The following NCOA3 variants were observed in gnomAD, a reference collection of about 807,000 sequenced individuals.
NCOA3 encodes the protein CBP-interacting protein.
NCOA3 carries 51 observed loss-of-function variants against 158.8 expected under a neutral mutation model. The observed-to-expected ratio is 0.32, with a 90% CI of 0.26 to 0.41. NCOA3 has a LOEUF of 0.41. Ranked by LOEUF, NCOA3 falls within the 10% of genes least tolerant of loss-of-function variation. The pLI is 1.00. For missense variants in NCOA3, 1,510 were observed against 1,746.6 expected (o/e 0.86, Z 2.41); for synonymous variants, 537 against 592.4 (o/e 0.91, Z 1.36).
In NCOA3 at chr20:47,653,615, C is replaced by T. The variant is rs2086832192; in HGVS notation, c.*198C>T. Reference sequence around the variant, plus strand: ...AGGGCAATATCTACGTGTTTTTCCCCCCTCCTTCTGCTGTGTATCATGGTG... The same window carrying T: ...AGGGCAATATCTACGTGTTTTTCCCTCCTCCTTCTGCTGTGTATCATGGTG... On this transcript the variant is annotated 3_prime_UTR_variant, in exon 23 of 23. Transcript: ENST00000371998. 9.2e-6 allele frequency: 6 copies of T among 654,560 alleles called. No homozygotes were observed. Among genetic ancestry groups the T allele is most frequent in the African/African-American group, 7.2e-5 (4 of 55,504 alleles). The allele number at this position is 654,560 out of a possible 1,614,324, so 40.5% of individuals were successfully genotyped here.
chr20:47,522,906 ACG>A (rs1491085406), intron 1 of NCOA3, among the ~76,000 whole-genome samples: 2 of 151,156 alleles, frequency 1.3e-5, no homozygotes, highest in Non-Finnish European at 2.9e-5. Context: ...AAAAAAAAAA[ACG>A]AGCCCGGCGC....
intron 1 of NCOA3, among the ~76,000 whole-genome samples, chr20:47,569,713 A>G (rs2085260644): frequency 6.6e-6 from 1 of 151,306 alleles, no homozygotes; most frequent in Admixed American, 6.6e-5. Context: ...AATCCTCTCA[A>G]AACCCTGCTG....
chr20:47,649,192 GT>G (rs2086740881), intron 19 of NCOA3, 83 bp downstream of exon 19: 1 of 742,876 alleles, frequency 1.3e-6, no homozygotes, highest in Non-Finnish European at 2.1e-6. Flanking sequence ...GTAAATGTTT[GT>G]TAAACAAATG....
chr20:47,616,767 G>T (rs1186759868), intron 2 of NCOA3, among the ~76,000 whole-genome samples: 1 of 152,176 alleles, frequency 6.6e-6, no homozygotes, highest in Non-Finnish European at 1.5e-5. Flanking sequence ...CTTCTTGGAA[G>T]TGCATTAGAG....
At chr20:47,643,416 C>G (rs1057341380) in intron 17 of NCOA3, among the ~76,000 whole-genome samples, 18 of 152,188 alleles carry the variant, frequency 1.2e-4, no homozygotes, top group African/African-American at 4.1e-4. Flanking sequence ...TTCAGGGATA[C>G]CAGTGACATA....
intron 1 of NCOA3, among the ~76,000 whole-genome samples, chr20:47,523,366 A>T (rs1015744956): frequency 6.6e-6 from 1 of 152,150 alleles, no homozygotes; most frequent in South Asian, 2.1e-4. Context: ...GGGTTGATCC[A>T]AGGGTCTTCG....
intron 1 of NCOA3, among the ~76,000 whole-genome samples, chr20:47,521,742 CAT>C (rs1291924370): frequency 6.6e-6 from 1 of 152,204 alleles, no homozygotes; most frequent in Non-Finnish European, 1.5e-5. Context: ...AACATACTGA[CAT>C]ATTCTTTGAA....
rs930319715 is a variant in NCOA3, at chr20:47,575,478, A to G, written c.-98-7705A>G. Among the ~76,000 whole-genome samples the G allele has an allele frequency of 4.6e-5, 7 of 152,174 alleles. No individual in the cohort carries two copies. In the East Asian group the frequency reaches 1.2e-3, roughly 25 times the overall value. The stretch of plus-strand genomic sequence containing the variant: ...TCTTTTAATGTCGAATTAAGAAAAA[A>G]CTATCAGCATCGAGTTTATTTACTA... On this transcript the variant is annotated intron_variant, in intron 1 of 22. Transcript: ENST00000371998.
At chr20:47,569,220 G>A (rs1029018016) in intron 1 of NCOA3, among the ~76,000 whole-genome samples, 9 of 152,140 alleles carry the variant, frequency 5.9e-5, no homozygotes, top group Admixed American at 2.0e-4. Context: ...GGTGGCATGC[G>A]CCTGTAGTCC....
At position 47,571,162 on chromosome 20, in the gene NCOA3, G is replaced by A. The variant is rs373086239; in HGVS notation, c.-98-12021G>A. On this transcript the variant is annotated intron_variant, in intron 1 of 22. Transcript: ENST00000371998. ...TGGGATTACAGGTGTGTGCCACCAC[G>A]CCTGGCTAATTTTTGTATTTTTAGT... is the stretch of plus-strand genomic sequence containing the variant. Among the ~76,000 whole-genome samples, 6 of 150,592 alleles carry A rather than the reference G, an allele frequency of 4.0e-5. 1 individual carries two copies. The highest frequency in any genetic ancestry group is 9.8e-5 in the African/African-American group (4 of 40,952).
intron 1 of NCOA3, among the ~76,000 whole-genome samples, chr20:47,556,712 T>C (rs746825118): frequency 1.4e-4 from 21 of 151,790 alleles, no homozygotes; most frequent in African/African-American, 4.6e-4. Context: ...TTAATAGAGA[T>C]GGGGTTTCAT....
chr20:47,515,388 G>A (rs978305038), intron 1 of NCOA3, among the ~76,000 whole-genome samples: 1 of 150,288 alleles, frequency 6.7e-6, no homozygotes, highest in African/African-American at 2.4e-5. Flanking sequence ...TCCTGATGTC[G>A]TGATCCACCC....
At position 47,627,553 on chromosome 20, in the gene NCOA3, T is replaced by A; in HGVS notation, c.533-8T>A. Reference sequence around the variant, plus strand: ...TTTTAAAATGTCATTTCAATTTGTTTTCCAAAGTTAATGGAGTTTCCTGGA... The same window carrying A: ...TTTTAAAATGTCATTTCAATTTGTTATCCAAAGTTAATGGAGTTTCCTGGA... On this transcript the variant is annotated splice_region_variant and splice_polypyrimidine_tract_variant and intron_variant, in intron 6 of 22. Transcript: ENST00000371998. 1 of 1,587,856 alleles carries A rather than the reference T, an allele frequency of 6.3e-7. No individual in the cohort carries two copies. The highest frequency in any genetic ancestry group is 8.6e-7 in the Non-Finnish European group (1 of 1,168,494).
rs375564231 is a variant in NCOA3, at chr20:47,535,212, C to T, written c.-99+33193C>T. Among the ~76,000 whole-genome samples the T allele has an allele frequency of 1.6e-4, 25 of 152,250 alleles. No individual in the cohort carries two copies. The East Asian group carries it at 2.7e-3, about 17-fold the overall frequency. On this transcript the variant is annotated intron_variant, in intron 1 of 22. Transcript: ENST00000371998. ...AGTAGCTAGGCTCACTTCTTCCGTG[C>T]CTCGCTGCCCAAACCCCTAGGGGGA...
chr20:47,640,461 C>T (rs2086585454), intron 16 of NCOA3, among the ~76,000 whole-genome samples: 1 of 152,074 alleles, frequency 6.6e-6, no homozygotes, highest in Non-Finnish European at 1.5e-5. Flanking sequence ...TTTCTTTTCC[C>T]CCAACCACCT....
chr20:47,608,349 GTGAA>G (rs1042635683), intron 2 of NCOA3, among the ~76,000 whole-genome samples: 7 of 151,868 alleles, frequency 4.6e-5, no homozygotes, highest in Non-Finnish European at 2.9e-5. Flanking sequence ...AACCAAAAAA[GTGAA>G]TGAGTCCGGC....
chr20:47,619,036 G>C (rs1473679241), intron 2 of NCOA3, among the ~76,000 whole-genome samples: 1 of 152,188 alleles, frequency 6.6e-6, no homozygotes, highest in Non-Finnish European at 1.5e-5. Flanking sequence ...GATTGTTATA[G>C]ATCAGAATAA....
intron 10 of NCOA3, 120 bp from the exon 11 acceptor site, chr20:47,635,202 T>A (rs547759696): frequency 1.0e-6 from 1 of 976,094 alleles, no homozygotes; most frequent in Non-Finnish European, 1.5e-6. Context: ...GTGCTGGGAA[T>A]ATAGGTGTTA....
chr20:47,522,320 T>C (rs967281863), intron 1 of NCOA3, among the ~76,000 whole-genome samples: 1 of 151,780 alleles, frequency 6.6e-6, no homozygotes, highest in Admixed American at 6.6e-5. Flanking sequence ...GCCAGGATGG[T>C]CTCGATCTCC....
Sources: allele counts gnomAD v4.1 joint callset (sites outside exome capture counted in the v4.1 genomes callset), GRCh38; gene constraint gnomAD v4.1.1; transcripts MANE v1.5; gene names NCBI Gene and HGNC (gene_info 2026-07-23, HGNC 2026-07-21).